PCSK5: variants seen among roughly 807,000 people sequenced by gnomAD.
PCSK5 encodes the protein proprotein convertase subtilisin/kexin type 5.
A neutral mutation model predicts 233.2 loss-of-function variants in PCSK5; 129 were observed. The ratio of observed to expected loss-of-function variants is 0.55; its 90% CI spans 0.48 to 0.64. The LOEUF is 0.64. PCSK5 is among the 30% of genes least tolerant of loss of function. PCSK5 has a pLI of 0.00. For missense variants in PCSK5, 2,076 were observed against 2,430.1 expected (o/e 0.85, Z 3.06); for synonymous variants, 825 against 879.2 (o/e 0.94, Z 1.09).
At chr9:76,337,420 C>T (rs1829708391) in intron 34 of PCSK5, among the ~76,000 whole-genome samples, 1 of 152,092 alleles carries the variant, frequency 6.6e-6, no homozygotes, top group Non-Finnish European at 1.5e-5. Context: ...GTCATCCTCT[C>T]ATCTTGGCCT....
At chr9:76,134,076 TG>T in intron 9 of PCSK5, 32 bp from the exon 10 acceptor site, 6 of 1,320,138 alleles carry the variant, frequency 4.5e-6, no homozygotes, top group Admixed American at 2.1e-5. Context: ...TTTTTTTTTT[TG>T]GTACAATGAT....
intron 5 of PCSK5, among the ~76,000 whole-genome samples, chr9:76,055,310 A>T (rs1260571848): frequency 6.6e-6 from 1 of 152,074 alleles, no homozygotes; most frequent in Non-Finnish European, 1.5e-5. Context: ...GGCCTCGTGG[A>T]CTTCATGTAA....
Position 76,009,538 on chromosome 9 carries a change from A to G in PCSK5, c.412-14200A>G, listed in dbSNP as rs1319666266. Reference sequence around the variant, plus strand: ...GCTACTCGGGAGGCTGAGGCAGGAGAATCACTTGAACCCGGGAGGCGGAGG... The same window carrying G: ...GCTACTCGGGAGGCTGAGGCAGGAGGATCACTTGAACCCGGGAGGCGGAGG... On this transcript the variant is annotated intron_variant, in intron 3 of 37. Coordinates refer to ENST00000674117, the MANE Select transcript of PCSK5 (RefSeq NM_001372043.1). 2.0e-5 allele frequency among the ~76,000 whole-genome samples: 3 copies of G among 151,922 alleles called. No individual in the cohort carries two copies. The East Asian group carries it at 5.8e-4, about 29-fold the overall frequency.
intron 5 of PCSK5, among the ~76,000 whole-genome samples, chr9:76,038,431 C>A (rs11144726): frequency 0.15 from 22,775 of 152,098 alleles, 1,842 homozygotes; most frequent in South Asian, 0.26. Flanking sequence ...TTAATTGTGA[C>A]CTGTGTTGTT....
chr9:76,068,185 A>G (rs1587582289), intron 6 of PCSK5, 142 bp downstream of exon 6: 1 of 594,888 alleles, frequency 1.7e-6, no homozygotes, highest in Non-Finnish European at 3.0e-6. Context: ...TGGCCCCAAC[A>G]TGACCATGTT....
Position 76,218,817 on chromosome 9 carries a change from C to T in PCSK5, c.2627-8686C>T, listed in dbSNP as rs139488495. 7.9e-4 allele frequency among the ~76,000 whole-genome samples: 120 copies of T among 151,186 alleles called. 1 individual carries two copies. The highest frequency in any genetic ancestry group is 2.7e-3 in the African/African-American group (114 of 41,484). On this transcript the variant is annotated intron_variant, in intron 20 of 37. Coordinates refer to ENST00000674117, the MANE Select transcript of PCSK5 (RefSeq NM_001372043.1). Reference sequence around the variant, plus strand: ...ATGTGTGTCCTTACCCAATGTAGTGCTTCTTACGATGCTGACCCGCAGTAG... The same window carrying T: ...ATGTGTGTCCTTACCCAATGTAGTGTTTCTTACGATGCTGACCCGCAGTAG...
chr9:76,042,070 A>T (rs773605453), intron 5 of PCSK5, among the ~76,000 whole-genome samples: 10 of 152,182 alleles, frequency 6.6e-5, no homozygotes, highest in Non-Finnish European at 1.3e-4. Flanking sequence ...TACCTTGTGT[A>T]TTACGATTAA....
intron 8 of PCSK5, among the ~76,000 whole-genome samples, chr9:76,099,157 T>A (rs1482546591): frequency 6.6e-6 from 1 of 152,184 alleles, no homozygotes; most frequent in Non-Finnish European, 1.5e-5. Flanking sequence ...TAGTAAATTT[T>A]CTCTAGCTAG....
chr9:76,180,101 AT>A (rs753053453), intron 15 of PCSK5, among the ~76,000 whole-genome samples: 168 of 146,756 alleles, frequency 1.1e-3, no homozygotes, highest in Non-Finnish European at 2.1e-3. Context: ...ATATATATAT[AT>A]ATACACACAC....
intron 2 of PCSK5, among the ~76,000 whole-genome samples, chr9:75,933,018 T>A (rs1022135664): frequency 6.6e-6 from 1 of 152,138 alleles, no homozygotes; most frequent in Non-Finnish European, 1.5e-5. Flanking sequence ...TGACTCCTGC[T>A]CTTGGGGCCT....
intron 34 of PCSK5, among the ~76,000 whole-genome samples, chr9:76,337,561 C>G (rs1209836088): frequency 6.6e-6 from 1 of 151,974 alleles, no homozygotes; most frequent in Non-Finnish European, 1.5e-5. Context: ...GCAACCTCCA[C>G]CACCCAGGTT....
intron 23 of PCSK5, 144 bp downstream of exon 23, chr9:76,239,309 A>C: frequency 1.5e-6 from 1 of 647,844 alleles, no homozygotes; most frequent in South Asian, 1.9e-5. Context: ...CCTAGTGGGG[A>C]GAGAGGTAAC....
At chr9:76,246,688 A>G (rs1244305242) in intron 24 of PCSK5, among the ~76,000 whole-genome samples, 2 of 152,338 alleles carry the variant, frequency 1.3e-5, no homozygotes, top group African/African-American at 4.8e-5. Flanking sequence ...ATGCTTGTCC[A>G]TGGAAGACTG....
Position 75,947,115 on chromosome 9 carries a change from A to G in PCSK5, c.297+14632A>G, listed in dbSNP as rs547919237. ...AATATAAGAGAATGATGATGAGAAT[A>G]ATAATAATTGTTATTGCTGGCATTC... is the stretch of plus-strand genomic sequence containing the variant. On this transcript the variant is annotated intron_variant, in intron 2 of 37. Transcript: ENST00000674117. 7.9e-5 allele frequency among the ~76,000 whole-genome samples: 12 copies of G among 152,288 alleles called. 1 individual carries two copies. In the South Asian group the frequency reaches 1.5e-3, roughly 18 times the overall value.
chr9:76,213,264 A>G (rs1162945501), intron 20 of PCSK5, among the ~76,000 whole-genome samples: 1 of 152,234 alleles, frequency 6.6e-6, no homozygotes, highest in African/African-American at 2.4e-5. Context: ...GATTTAGCCT[A>G]CTACAAAGAT....
intron 5 of PCSK5, among the ~76,000 whole-genome samples, chr9:76,043,713 T>A (rs1014840814): frequency 6.6e-6 from 1 of 152,214 alleles, no homozygotes; most frequent in Non-Finnish European, 1.5e-5. Context: ...GTATTTATTT[T>A]GAGTCCGAGT....
chr9:76,099,402 A>G (rs1831666618), intron 8 of PCSK5, among the ~76,000 whole-genome samples: 1 of 152,162 alleles, frequency 6.6e-6, no homozygotes, highest in Non-Finnish European at 1.5e-5. Flanking sequence ...GGTACACAGG[A>G]GCAGCTCAGT....
At chr9:76,143,056 G>A (rs1823294466) in intron 10 of PCSK5, among the ~76,000 whole-genome samples, 3 of 152,138 alleles carry the variant, frequency 2.0e-5, no homozygotes, top group Admixed American at 6.6e-5. Flanking sequence ...CCTAAATAAA[G>A]CACAAATAAG....
chr9:76,166,308 A>C (rs1271571680), intron 12 of PCSK5, among the ~76,000 whole-genome samples: 1 of 152,220 alleles, frequency 6.6e-6, no homozygotes, highest in Non-Finnish European at 1.5e-5. Flanking sequence ...GCTTAGCCAC[A>C]TAGACAGAGC....
Sources: allele counts gnomAD v4.1 joint callset (sites outside exome capture counted in the v4.1 genomes callset), GRCh38; gene constraint gnomAD v4.1.1; transcripts MANE v1.5; gene names NCBI Gene and HGNC (gene_info 2026-07-23, HGNC 2026-07-21).